The following PLEKHG6 variants were observed in gnomAD, a reference collection of about 807,000 sequenced individuals.
PLEKHG6 encodes the protein pleckstrin homology domain-containing family G member 6.
Under a neutral mutation model 97.5 loss-of-function variants are expected in PLEKHG6, and 91 were observed. The ratio of observed to expected loss-of-function variants is 0.93; its 90% confidence interval spans 0.79 to 1.11. The LOEUF (loss-of-function observed/expected upper bound fraction) is 1.11. PLEKHG6 is among the 50% of genes most tolerant of loss of function. The probability of loss-of-function intolerance (pLI) is 0.00; values close to 1 mark genes in which losing one functional copy is unlikely to be tolerated. For synonymous variants in PLEKHG6, 466 were observed against 425.5 expected (o/e 1.10, Z -1.17); for missense variants, 1,044 against 1,031.0 (o/e 1.01, Z -0.17).
At chr12:6,318,228 C>A in intron 10 of PLEKHG6, 73 bp from the exon 11 acceptor site, 5 of 1,604,068 alleles carry the variant, frequency 3.1e-6, no homozygotes, top group Non-Finnish European at 4.3e-6. Context: ...GTGGCAGAAC[C>A]AGGAGCCGCC....
At chr12:6,320,022 T>C (rs1030522928) in intron 13 of PLEKHG6, among the ~76,000 whole-genome samples, 15 of 152,132 alleles carry the variant, frequency 9.9e-5, no homozygotes, top group Admixed American at 2.0e-4. Context: ...GCATTCCACA[T>C]GGAGGAGCAG....
Position 6,317,987 on chromosome 12 carries a change from T to C in PLEKHG6, c.1148T>C (p.Val383Ala), listed in dbSNP as rs1947547520. The part of the protein sequence containing the change: ...YEVLEPPSDE[V>A]EKNLRPFSTL... ...GTGCTGGAGCCACCCAGTGATGAGG[T>C]GGAGAAGGTGAGAGGGCAAAGGGAA... The change falls in exon 10 of 16, where the codon GTG becomes GCG. Residue 383 changes from valine to alanine, a missense_variant. Transcript: ENST00000684764. The C allele has an allele frequency of 6.3e-7, 1 of 1,588,086 alleles. No homozygotes were observed. Among genetic ancestry groups the C allele is most frequent in the Non-Finnish European group, 8.6e-7 (1 of 1,166,840 alleles).
Position 6,328,412 on chromosome 12 carries a change from G to T in PLEKHG6, c.*267G>T, listed in dbSNP as rs185260041. On this transcript the variant is annotated 3_prime_UTR_variant, in exon 16 of 16. Transcript: ENST00000684764. ...GCCTGTAATCCCAGCACTTTGGGAG[G>T]CTGAGGTGGGAGGATCCCTTGAGCC... The T allele has an allele frequency of 5.5e-5, 24 of 438,198 alleles. No homozygotes were observed. The highest frequency in any genetic ancestry group is 3.6e-4 in the African/African-American group (18 of 49,610). 27.1% of individuals were successfully genotyped at this position (438,198 alleles called of 1,614,324 possible).
At chr12:6,325,692 A>G (rs1947836647) in intron 13 of PLEKHG6, among the ~76,000 whole-genome samples, 1 of 152,222 alleles carries the variant, frequency 6.6e-6, no homozygotes, top group Middle Eastern at 3.2e-3. Flanking sequence ...AGGAGCAACC[A>G]GTACCAATTC....
chr12:6,327,160 G>C, intron 14 of PLEKHG6, 94 bp from the exon 15 acceptor site: 2 of 744,984 alleles, frequency 2.7e-6, no homozygotes, highest in Non-Finnish European at 4.6e-6. Flanking sequence ...AAATAAGTTT[G>C]GAGGAGGGGC....
At chr12:6,326,102 T>G (rs1322030218) in intron 13 of PLEKHG6, among the ~76,000 whole-genome samples, 31 of 151,964 alleles carry the variant, frequency 2.0e-4, no homozygotes, top group Admixed American at 2.0e-3. Flanking sequence ...GTCAGGAGTT[T>G]GAGACCAGCC....
At chr12:6,328,100 C>A (rs367841047) in intron 15 of PLEKHG6, 36 bp from the exon 16 acceptor site, 13 of 1,613,816 alleles carry the variant, frequency 8.1e-6, no homozygotes, top group Non-Finnish European at 1.0e-5. Flanking sequence ...CCCGTTGCCA[C>A]TGAATGTCGC....
At chr12:6,317,057 T>C (rs956803762) in intron 7 of PLEKHG6, among the ~76,000 whole-genome samples, 2 of 152,108 alleles carry the variant, frequency 1.3e-5, no homozygotes, top group Admixed American at 1.3e-4. Flanking sequence ...AGTAGCACTG[T>C]GGATAGAGGG....
Position 6,327,898 on chromosome 12 carries a change from G to C in PLEKHG6, c.2315G>C (p.Arg772Thr), listed in dbSNP as rs1207260096. 2.0e-6 allele frequency: 3 copies of C among 1,486,418 alleles called. No homozygotes were observed. Among genetic ancestry groups the C allele is most frequent in the Non-Finnish European group, 2.7e-6 (3 of 1,118,778 alleles). 92.1% of individuals were successfully genotyped at this position (1,486,418 alleles called of 1,614,324 possible). A position where few individuals can be genotyped will look rare whatever the true frequency, so the allele number is the denominator to read the frequency against. The change falls in exon 15 of 16, where the codon AGG becomes ACG. Residue 772 changes from arginine (R) to threonine (T), a missense_variant. Physicochemically the swap from Arg to Thr is moderately conservative, Grantham distance 71. Coordinates refer to ENST00000684764, the MANE Select transcript of PLEKHG6 (RefSeq NM_001384598.1). ...PRKLTRAQLQRMRGPHIIQLD... is the reference protein window; with the variant it reads ...PRKLTRAQLQTMRGPHIIQLD... ...AAGCTGACTCGGGCCCAGCTGCAGA[G>C]GATGCGGGGGCCCCACATCATTCAG...
Position 6,327,630 on chromosome 12 carries a change from G to T in PLEKHG6, c.2047G>T (p.Glu683Ter). 6.3e-7 allele frequency: 1 copy of T among 1,575,352 alleles called. No homozygotes were observed. Among genetic ancestry groups the T allele is most frequent in the Non-Finnish European group, 8.6e-7 (1 of 1,159,428 alleles). ...GASERGNVVVETLHRARLRGQ... is the reference protein window; with the variant it reads ...GASERGNVVV ...CTCCGAGCGAGGGAATGTGGTGGTG[G>T]AAACACTCCACAGGGCCCGGCTTCG... is the stretch of plus-strand genomic sequence containing the variant. The change falls in exon 15 of 16, where the codon GAA (glutamate) becomes TAA (stop). Residue 683 changes from glutamate to a stop codon, truncating the protein, a stop_gained. Transcript: ENST00000684764. LOFTEE classifies it high-confidence loss of function.
intron 13 of PLEKHG6, chr12:6,319,478 A>C: frequency 7.2e-7 from 1 of 1,395,896 alleles, no homozygotes; most frequent in Non-Finnish European, 9.5e-7. Context: ...GTAGGAAGGA[A>C]GGAAGGAACG....
At chr12:6,314,229 G>T (rs542084203) in intron 3 of PLEKHG6, among the ~76,000 whole-genome samples, 3 of 152,282 alleles carry the variant, frequency 2.0e-5, no homozygotes, top group East Asian at 3.9e-4. Flanking sequence ...TGGGCCGGGC[G>T]TGGTGGCTCA....
At position 6,315,569 on chromosome 12, in the gene PLEKHG6, C is replaced by T; in HGVS notation, c.475C>T (p.Leu159Phe). The T allele has an allele frequency of 6.4e-7, 1 of 1,573,200 alleles. No individual in the cohort carries two copies. Among genetic ancestry groups the T allele is most frequent in the Non-Finnish European group, 8.7e-7 (1 of 1,151,404 alleles). ...CCCACCCCAGGAGATGAGCCAGGAGCTCTGCCACCAACAGGAGGCCCTGTG... is the reference window on the plus strand; with the variant it reads ...CCCACCCCAGGAGATGAGCCAGGAGTTCTGCCACCAACAGGAGGCCCTGTG... ...VPGHKEMSQE[L>F]CHQQEALWEL... The change falls in exon 5 of 16, where the codon CTC (leucine) becomes TTC (phenylalanine). Residue 159 changes from leucine to phenylalanine, a missense_variant. Coordinates refer to ENST00000684764, the MANE Select transcript of PLEKHG6 (RefSeq NM_001384598.1). The surrounding 1 kb of genome is among the most constrained non-coding windows in gnomAD (Gnocchi z 4.5).
At position 6,315,048 on chromosome 12, in the gene PLEKHG6, T is replaced by G; in HGVS notation, c.338T>G (p.Phe113Cys). Residue 113 changes from phenylalanine (F) to cysteine (C), a missense_variant, in exon 4 of 16, where the codon TTC becomes TGC. Physicochemically the swap from Phe to Cys is radical, Grantham distance 205 (BLOSUM62 -2). Coordinates refer to ENST00000684764, the MANE Select transcript of PLEKHG6 (RefSeq NM_001384598.1). This position sits in a 1 kb window ranked among gnomAD's most constrained non-coding sequence, Gnocchi z 4.5. Reference sequence around the variant, plus strand: ...GAGCTGGAGGTGAGGCTGCACACTTTCAGCATGTTTGGGATGCCCCGGCTG... The same window carrying G: ...GAGCTGGAGGTGAGGCTGCACACTTGCAGCATGTTTGGGATGCCCCGGCTG... The part of the protein sequence containing the change: ...AHELEVRLHT[F>C]SMFGMPRLPP... 6.2e-7 allele frequency: 1 copy of G among 1,613,880 alleles called. No homozygotes were observed. Among genetic ancestry groups the G allele is most frequent in the Non-Finnish European group, 8.5e-7 (1 of 1,180,004 alleles).
Position 6,327,501 on chromosome 12 carries a change from GCTC to G in PLEKHG6, c.1922_1924del (p.Pro641del). The stretch of plus-strand genomic sequence containing the variant: ...GCGTCCCCACCCTCCCGACCCCCAA[GCTC>G]CTCAACGCCGAAGCGCCCCCGAACT... On this transcript the variant is annotated inframe_deletion, in exon 15 of 16. Transcript: ENST00000684764. The G allele has an allele frequency of 1.5e-6, 1 of 655,888 alleles. No homozygotes were observed. 40.6% of individuals were successfully genotyped at this position (655,888 alleles called of 1,614,324 possible).
chr12:6,319,061 A>T lies in PLEKHG6; in HGVS notation c.1477A>T (p.Ser493Cys). 6.2e-7 allele frequency: 1 copy of T among 1,613,178 alleles called. No individual in the cohort carries two copies. Among genetic ancestry groups the T allele is most frequent in the Non-Finnish European group, 8.5e-7 (1 of 1,179,282 alleles). Reference sequence around the variant, plus strand: ...CAGCGCCCTCCTTGTGCACTGTCCCAGTCCTACAGACCGTGCCCAGTGGCT... The same window carrying T: ...CAGCGCCCTCCTTGTGCACTGTCCCTGTCCTACAGACCGTGCCCAGTGGCT... ...VSSALLVHCPSPTDRAQWLEK... is the reference protein window; with the variant it reads ...VSSALLVHCPCPTDRAQWLEK... The change falls in exon 13 of 16, where the codon AGT (serine) becomes TGT (cysteine). Residue 493 changes from serine (S) to cysteine (C), a missense_variant. Transcript: ENST00000684764.
At position 6,317,628 on chromosome 12, in the gene PLEKHG6, C is replaced by A; in HGVS notation, c.949C>A (p.Pro317Thr). The A allele has an allele frequency of 1.2e-6, 2 of 1,613,996 alleles. No individual in the cohort carries two copies. The highest frequency in any genetic ancestry group is 1.7e-6 in the Non-Finnish European group (2 of 1,180,000). Residue 317 changes from proline (P) to threonine (T), a missense_variant, in exon 9 of 16, where the codon CCA (proline) becomes ACA (threonine). Transcript: ENST00000684764. ...GCCCCACCAGCGCATCACCAAGTACCCACTGCTGCTCCATGCTGTGCTCAA... is the reference window on the plus strand; with the variant it reads ...GCCCCACCAGCGCATCACCAAGTACACACTGCTGCTCCATGCTGTGCTCAA... The part of the protein sequence containing the change: ...IKPHQRITKY[P>T]LLLHAVLKRS...
In PLEKHG6 at chr12:6,317,573, G is replaced by A. The variant is rs1273324332; in HGVS notation, c.894G>A (p.Gly298=). 2 of 1,613,888 alleles carry A rather than the reference G, an allele frequency of 1.2e-6. No individual in the cohort carries two copies. The highest frequency in any genetic ancestry group is 2.2e-5 in the East Asian group (1 of 44,884). ...VQWCEKHKRS[G]RQMLCDLLIK... is the part of the protein sequence containing the mutation. The stretch of plus-strand genomic sequence containing the variant: ...GGTGTGAGAAGCACAAGCGCTCTGG[G>A]AGGCAGATGCTCTGTGACTTGCTTA... The change falls in exon 9 of 16, where the codon GGG becomes GGA. Residue 298 remains glycine, a synonymous_variant. Coordinates refer to ENST00000684764, the MANE Select transcript of PLEKHG6 (RefSeq NM_001384598.1).
Position 6,315,706 on chromosome 12 carries a change from TC to T in PLEKHG6, c.555+60del. On this transcript the variant is annotated intron_variant, in intron 5 of 15. Coordinates refer to ENST00000684764, the MANE Select transcript of PLEKHG6 (RefSeq NM_001384598.1). This position sits in a 1 kb window ranked among gnomAD's most constrained non-coding sequence, Gnocchi z 4.5. ...ATCTTCCCTGCATGAGCCCCCATCC[TC>T]CCAGACTGGAAGGCAGGTCACTGGG... The T allele has an allele frequency of 7.8e-7, 1 of 1,281,878 alleles. No homozygotes were observed. The highest frequency in any genetic ancestry group is 1.1e-6 in the Non-Finnish European group (1 of 913,864). The allele number at this position is 1,281,878 out of a possible 1,614,324, so 79.4% of individuals were successfully genotyped here.
Sources: gnomAD v4.1 joint callset for allele counts (sites outside exome capture counted in the v4.1 genomes callset) on GRCh38, gnomAD v4.1.1 for gene constraint, Gnocchi (gnomAD v3.1) non-coding constraint, MANE v1.5 for transcripts, NCBI Gene and HGNC (gene_info 2026-07-23, HGNC 2026-07-21) for gene names.